Variants in HOOK3 observed in about 807,000 individuals in gnomAD.
The protein encoded by HOOK3 is protein Hook homolog 3.
HOOK3 carries 24 observed loss-of-function variants against 116.3 expected under a neutral mutation model. The ratio of observed to expected loss-of-function variants is 0.21; its 90% CI spans 0.15 to 0.29. HOOK3 has a LOEUF of 0.29. HOOK3 is among the 10% of genes least tolerant of loss of function. HOOK3 has a pLI of 1.00. For synonymous variants in HOOK3, 275 were observed against 283.0 expected (o/e 0.97, Z 0.28); for missense variants, 632 against 830.2 (o/e 0.76, Z 2.93).
Position 42,897,112 on chromosome 8 carries a change from G to A in HOOK3, c.-20G>A. ...GGTGTCTGGCCAGGCGGTAGGCGCT[G>A]CCTGGCCGCGGCGGGGAAGATGTTC... On this transcript the variant is annotated 5_prime_UTR_variant, in exon 1 of 22. Transcript: ENST00000307602. 1 of 1,242,402 alleles carries A rather than the reference G, an allele frequency of 8.0e-7. No individual in the cohort carries two copies. The highest frequency in any genetic ancestry group is 1.0e-6 in the Non-Finnish European group (1 of 988,752). The allele number at this position is 1,242,402 out of a possible 1,614,324, so 77.0% of individuals were successfully genotyped here.
rs143429217 is a variant in HOOK3 at position 42,912,968 on chromosome 8, T to C, written c.143+6710T>C. On this transcript the variant is annotated intron_variant, in intron 2 of 21. Coordinates refer to ENST00000307602, the MANE Select transcript of HOOK3 (RefSeq NM_032410.4). ...TACTTACTGTCTGCATAGTTTTGCCTTTTCTGGAATGTCATATAGTTGGAA... is the reference window on the plus strand; with the variant it reads ...TACTTACTGTCTGCATAGTTTTGCCCTTTCTGGAATGTCATATAGTTGGAA... Among the ~76,000 whole-genome samples, 307 of 152,316 alleles carry C rather than the reference T, an allele frequency of 2.0e-3. 2 individuals are homozygous for C. The highest frequency in any genetic ancestry group is 0.011 in the South Asian group (53 of 4,832).
At chr8:42,952,895 C>A (rs1808367112) in intron 6 of HOOK3, among the ~76,000 whole-genome samples, 1 of 152,156 alleles carries the variant, frequency 6.6e-6, no homozygotes, top group African/African-American at 2.4e-5. Flanking sequence ...GCTCTATAGT[C>A]ATCAGGAACC....
intron 21 of HOOK3, among the ~76,000 whole-genome samples, chr8:43,017,370 G>A (rs566051195): frequency 6.6e-6 from 1 of 152,246 alleles, no homozygotes; most frequent in East Asian, 1.9e-4. Flanking sequence ...GGGCTCAAGC[G>A]AGCCTCCCAC....
intron 8 of HOOK3, among the ~76,000 whole-genome samples, chr8:42,960,846 C>G (rs1020082418): frequency 2.0e-5 from 3 of 152,096 alleles, no homozygotes; most frequent in Non-Finnish European, 4.4e-5. Context: ...TTATTTTAAC[C>G]CTCTGTGTAC....
At chr8:43,011,035 C>G (rs1350648053) in intron 19 of HOOK3, among the ~76,000 whole-genome samples, 1 of 151,880 alleles carries the variant, frequency 6.6e-6, no homozygotes, top group Admixed American at 6.6e-5. Context: ...CTCTGTCGCC[C>G]AGGCTGGAGT....
chr8:42,981,406 C>T (rs1435842090), intron 13 of HOOK3, among the ~76,000 whole-genome samples: 2 of 152,048 alleles, frequency 1.3e-5, no homozygotes, highest in Non-Finnish European at 2.9e-5. Context: ...TTATAAGCAA[C>T]AGAAAAAGGA....
At chr8:42,979,414 G>A (rs1170952415) in intron 13 of HOOK3, among the ~76,000 whole-genome samples, 1 of 152,162 alleles carries the variant, frequency 6.6e-6, no homozygotes, top group Non-Finnish European at 1.5e-5. Context: ...CCTAGGAAAA[G>A]AACCACACTT....
chr8:42,917,672 T>G (rs1398664043), intron 2 of HOOK3, among the ~76,000 whole-genome samples: 9 of 152,184 alleles, frequency 5.9e-5, no homozygotes, highest in Non-Finnish European at 1.3e-4. Context: ...AAGTGCCAAG[T>G]TGTGCCTCCA....
chr8:42,986,936 C>A, intron 15 of HOOK3, 141 bp downstream of exon 15: 1 of 799,426 alleles, frequency 1.3e-6, no homozygotes, highest in Non-Finnish European at 2.0e-6. Context: ...GAGGGCAGAT[C>A]GCTTGAGCTC....
intron 6 of HOOK3, 77 bp downstream of exon 6, chr8:42,950,532 A>G: frequency 1.2e-6 from 1 of 810,778 alleles, no homozygotes; most frequent in Non-Finnish European, 2.0e-6. Flanking sequence ...CAAGTGGAAA[A>G]TTTTAAGAGA....
In HOOK3 at chr8:42,959,310, T is replaced by C. The variant is rs1217891406; in HGVS notation, c.611T>C (p.Met204Thr). ...EIAQRCHELD[M>T]QVAALQEEKS... ...GCTCAAAGATGCCATGAACTGGATA[T>C]GCAGGTAAGAGATTTGTTCTGTGCA... Residue 204 changes from methionine to threonine, a missense_variant, in exon 8 of 22, where the codon ATG becomes ACG. Coordinates refer to ENST00000307602, the MANE Select transcript of HOOK3 (RefSeq NM_032410.4). The C allele has an allele frequency of 6.2e-7, 1 of 1,606,400 alleles. No homozygotes were observed. The highest frequency in any genetic ancestry group is 1.7e-5 in the Admixed American group (1 of 59,970).
chr8:43,013,289 A>G (rs754749542), intron 20 of HOOK3, 40 bp from the exon 21 acceptor site: 20 of 1,472,830 alleles, frequency 1.4e-5, no homozygotes, highest in Non-Finnish European at 1.8e-5. Context: ...GAGTTATTTT[A>G]TATCTTTACA....
In HOOK3 at chr8:42,896,994, C is replaced by G; in HGVS notation, c.-138C>G. The G allele has an allele frequency of 1.9e-6, 1 of 530,604 alleles. No individual in the cohort carries two copies. Among genetic ancestry groups the G allele is most frequent in the Non-Finnish European group, 2.9e-6 (1 of 347,892 alleles). The allele number at this position is 530,604 out of a possible 1,614,324, so 32.9% of individuals were successfully genotyped here. On this transcript the variant is annotated 5_prime_UTR_variant, in exon 1 of 22. Coordinates refer to ENST00000307602, the MANE Select transcript of HOOK3 (RefSeq NM_032410.4). ...TGACGGTGCGGAGCCGCTGCCAGCG[C>G]TGGGCGAGAGTCGGCGGCCGGATCC...
chr8:43,007,808 C>T (rs762740215), intron 17 of HOOK3, 39 bp from the exon 18 acceptor site: 1 of 1,275,974 alleles, frequency 7.8e-7, no homozygotes, highest in East Asian at 2.4e-5. Context: ...GAAAAAATTA[C>T]AGAAGCAGTA....
At chr8:42,922,214 A>G (rs901670573) in intron 2 of HOOK3, among the ~76,000 whole-genome samples, 3 of 152,118 alleles carry the variant, frequency 2.0e-5, no homozygotes, top group African/African-American at 7.2e-5. Context: ...TATGACACAG[A>G]AAGTTCAAGA....
At chr8:42,994,866 A>T (rs1809234616) in intron 15 of HOOK3, among the ~76,000 whole-genome samples, 1 of 152,216 alleles carries the variant, frequency 6.6e-6, no homozygotes, top group Non-Finnish European at 1.5e-5. Context: ...GTGTTTTATG[A>T]TGTTTACAAT....
At chr8:42,898,103 T>C (rs932848717) in intron 1 of HOOK3, among the ~76,000 whole-genome samples, 6 of 152,386 alleles carry the variant, frequency 3.9e-5, no homozygotes, top group African/African-American at 1.4e-4. Context: ...AAATTCTCTT[T>C]AGCGGTGTCT....
rs1180185692 is a variant in HOOK3, at chr8:43,018,550, TACAC to T, written c.*56_*59del. The T allele has an allele frequency of 1.3e-6, 2 of 1,499,240 alleles. No individual in the cohort carries two copies. The highest frequency in any genetic ancestry group is 2.4e-5 in the East Asian group (1 of 42,248). 92.9% of individuals were successfully genotyped at this position (1,499,240 alleles called of 1,614,324 possible). On this transcript the variant is annotated 3_prime_UTR_variant, in exon 22 of 22. Coordinates refer to ENST00000307602, the MANE Select transcript of HOOK3 (RefSeq NM_032410.4). ...ACCTGCACCCACAACATACTTCTGT[TACAC>T]ACAAGAACATTTCAGGAAACTCAGC... is the stretch of plus-strand genomic sequence containing the variant.
At chr8:43,015,648 C>T (rs766726397) in intron 21 of HOOK3, among the ~76,000 whole-genome samples, 2 of 152,170 alleles carry the variant, frequency 1.3e-5, no homozygotes. Flanking sequence ...CTGTCTCTTC[C>T]CTGTCCTCCT....
Sources: allele counts gnomAD v4.1 joint callset (sites outside exome capture counted in the v4.1 genomes callset), GRCh38; gene constraint gnomAD v4.1.1; transcripts MANE v1.5; gene names NCBI Gene and HGNC (gene_info 2026-07-23, HGNC 2026-07-21).